The following PCNX1 variants were observed in gnomAD, a reference collection of about 807,000 sequenced individuals.
The protein encoded by PCNX1 is pecanex-like protein 1.
PCNX1 carries 78 observed loss-of-function variants against 242.2 expected under a neutral mutation model. The ratio of observed to expected loss-of-function variants is 0.32; its 90% CI spans 0.27 to 0.39. The LOEUF (loss-of-function observed/expected upper bound fraction) is 0.39. PCNX1 is among the 10% of genes least tolerant of loss of function. The pLI is 1.00. For missense variants in PCNX1, 2,581 were observed against 2,856.5 expected, an observed-to-expected ratio of 0.90 and a Z score of 2.20; for synonymous variants, 1,024 against 1,032.9, an observed-to-expected ratio of 0.99 and a Z score of 0.17.
At chr14:70,925,635 T>G (rs886329825) in intron 1 of PCNX1, among the ~76,000 whole-genome samples, 1 of 151,608 alleles carries the variant, frequency 6.6e-6, no homozygotes, top group African/African-American at 2.4e-5. Flanking sequence ...TACTCAGGTC[T>G]TTTTATTTGC....
chr14:70,977,476 G>A lies in PCNX1; in HGVS notation c.1139G>A (p.Gly380Glu). 3 of 1,614,074 alleles carry A rather than the reference G, an allele frequency of 1.9e-6. No homozygotes were observed. Among genetic ancestry groups the A allele is most frequent in the South Asian group, 2.2e-5 (2 of 91,088 alleles). The change falls in exon 6 of 36, where the codon GGG (glycine) becomes GAG (glutamate). Residue 380 changes from glycine (G) to glutamate (E), a missense_variant. Gly to Glu is a moderately conservative substitution (Grantham distance 98). Around this residue, in one of 9 missense-constraint regions of PCNX1, gnomAD observed 1,204 missense variants for 1,216.7 expected, o/e 0.99. Transcript: ENST00000304743. ...SLRSLSTRSS[G>E]STESYCSGTD... ...AGGAGCCTGAGCACACGGAGTAGTG[G>A]GTCAACAGAAAGCTACTGCAGTGGA...
chr14:71,073,837 A>G, intron 27 of PCNX1, 39 bp downstream of exon 27: 2 of 1,482,848 alleles, frequency 1.3e-6, no homozygotes, highest in Non-Finnish European at 1.8e-6. Flanking sequence ...AGATAATCAG[A>G]GTTTCTTCTT....
chr14:71,114,633 A>C lies in PCNX1; in HGVS notation c.*4698A>C, dbSNP rs1221704513. On this transcript the variant is annotated 3_prime_UTR_variant, in exon 36 of 36. Coordinates refer to ENST00000304743, the MANE Select transcript of PCNX1 (RefSeq NM_014982.3). ...TAGAGCTGATTGTCACCACAAGGTT[A>C]TATGACAACTCTGTTCTAAGACTTA... The C allele has an allele frequency of 1.3e-5, 2 of 152,750 alleles. No homozygotes were observed. Among genetic ancestry groups the C allele is most frequent in the Middle Eastern group, 3.4e-3 (1 of 294 alleles). The allele number at this position is 152,750 out of a possible 1,614,324, so 9.5% of individuals were successfully genotyped here. A position where few individuals can be genotyped will look rare whatever the true frequency, so the allele number is the denominator to read the frequency against.
intron 26 of PCNX1, among the ~76,000 whole-genome samples, chr14:71,072,431 G>T (rs937392453): frequency 6.6e-6 from 1 of 152,148 alleles, no homozygotes; most frequent in Non-Finnish European, 1.5e-5. Context: ...TGAATTAATG[G>T]AATTATTGAG....
chr14:70,949,325 G>GTA (rs1443334547), intron 2 of PCNX1, among the ~76,000 whole-genome samples: 1 of 146,954 alleles, frequency 6.8e-6, no homozygotes, highest in Admixed American at 6.7e-5. Context: ...ATACACACGT[G>GTA]TATACACGCA....
At chr14:70,949,929 A>G (rs541913134) in intron 2 of PCNX1, among the ~76,000 whole-genome samples, 1 of 152,302 alleles carries the variant, frequency 6.6e-6, no homozygotes, top group South Asian at 2.1e-4. Flanking sequence ...TGTGGAAACC[A>G]AGTTGAGAAA....
intron 1 of PCNX1, among the ~76,000 whole-genome samples, chr14:70,946,578 G>A (rs1470619181): frequency 6.6e-6 from 1 of 152,146 alleles, no homozygotes; most frequent in Non-Finnish European, 1.5e-5. Flanking sequence ...TTTTAATAAT[G>A]TTTTATTTGA....
chr14:71,051,361 A>G (rs2061030841), intron 23 of PCNX1, among the ~76,000 whole-genome samples: 1 of 152,128 alleles, frequency 6.6e-6, no homozygotes, highest in Non-Finnish European at 1.5e-5. Context: ...AAGTCCAGGA[A>G]TCTTTAATAC....
At chr14:71,100,708 T>A (rs2062439961) in intron 30 of PCNX1, among the ~76,000 whole-genome samples, 1 of 152,184 alleles carries the variant, frequency 6.6e-6, no homozygotes, top group Admixed American at 6.5e-5. Context: ...CTTTTCCACC[T>A]CCTCTCTCAG....
chr14:70,970,250 C>G (rs1275611430), intron 5 of PCNX1, among the ~76,000 whole-genome samples: 1 of 151,662 alleles, frequency 6.6e-6, no homozygotes. Flanking sequence ...CCTATAGTCT[C>G]AGCTACTTGG....
At chr14:70,940,096 G>A (rs10138470) in intron 1 of PCNX1, among the ~76,000 whole-genome samples, 1 of 152,122 alleles carries the variant, frequency 6.6e-6, no homozygotes, top group African/African-American at 2.4e-5. Flanking sequence ...TTGCCAGTCT[G>A]TGTCTTTTAA....
chr14:71,047,283 G>T (rs2060889296), intron 21 of PCNX1, among the ~76,000 whole-genome samples, 178 bp downstream of exon 21: 1 of 151,932 alleles, frequency 6.6e-6, no homozygotes, highest in Non-Finnish European at 1.5e-5. Context: ...TCTGCTGTTG[G>T]CATATTCTGT....
chr14:71,099,727 A>G (rs1190954337), intron 30 of PCNX1, among the ~76,000 whole-genome samples: 1 of 152,210 alleles, frequency 6.6e-6, no homozygotes, highest in East Asian at 1.9e-4. Context: ...GTAGGCCAGT[A>G]AAACCTTGTT....
intron 5 of PCNX1, among the ~76,000 whole-genome samples, chr14:70,972,149 G>T (rs944507390): frequency 2.0e-5 from 3 of 152,090 alleles, no homozygotes; most frequent in Non-Finnish European, 4.4e-5. Flanking sequence ...GATATACTAT[G>T]TGAGAGAAGT....
intron 6 of PCNX1, among the ~76,000 whole-genome samples, chr14:70,986,226 GT>G (rs948877755): frequency 5.9e-5 from 9 of 152,160 alleles, no homozygotes; most frequent in African/African-American, 1.7e-4. Flanking sequence ...TGTTAAAGCA[GT>G]TGCCATAGTC....
chr14:70,918,887 T>G (rs1402161360), intron 1 of PCNX1, among the ~76,000 whole-genome samples: 1 of 146,200 alleles, frequency 6.8e-6, no homozygotes, highest in Non-Finnish European at 1.5e-5. Context: ...TTTTTTGGTT[T>G]TTTTTTTTTT....
At chr14:71,100,438 A>G (rs1034603940) in intron 30 of PCNX1, among the ~76,000 whole-genome samples, 1 of 152,200 alleles carries the variant, frequency 6.6e-6, no homozygotes, top group Non-Finnish European at 1.5e-5. Context: ...TCTGGCTTAT[A>G]AAGTTTCTTC....
At chr14:71,067,458 A>G (rs1338169319) in intron 26 of PCNX1, among the ~76,000 whole-genome samples, 1 of 151,538 alleles carries the variant, frequency 6.6e-6, no homozygotes, top group African/African-American at 2.4e-5. Context: ...ATCGGTGGTG[A>G]TATCTCCTTT....
rs554599366 is a variant in PCNX1, at chr14:71,103,588, G to A, written c.6014G>A (p.Ser2005Asn). 6.2e-7 allele frequency: 1 copy of A among 1,614,072 alleles called. No individual in the cohort carries two copies. The highest frequency in any genetic ancestry group is 1.1e-5 in the South Asian group (1 of 91,074). Reference protein sequence around the residue: ...VSPLTTSYSDSHEQLKDILGG... With the variant: ...VSPLTTSYSDNHEQLKDILGG... The stretch of plus-strand genomic sequence containing the variant: ...CCCCTGACAACTTCTTACTCTGACA[G>A]CCACGAACAGCTTAAAGACATTCTT... Residue 2005 changes from serine to asparagine, a missense_variant, in exon 32 of 36, where the codon AGC becomes AAC. Coordinates refer to ENST00000304743, the MANE Select transcript of PCNX1 (RefSeq NM_014982.3).
Sources: gnomAD v4.1 joint callset for allele counts (sites outside exome capture counted in the v4.1 genomes callset) on GRCh38, gnomAD v4.1.1 for gene constraint, gnomAD v4.1.1 regional missense constraint, MANE v1.5 for transcripts, NCBI Gene and HGNC (gene_info 2026-07-23, HGNC 2026-07-21) for gene names.